NANOGNB: variants seen among roughly 807,000 people sequenced by gnomAD.
NANOGNB encodes the protein homeobox C14.
NANOGNB carries 30 observed loss-of-function variants against 25.0 expected under a neutral mutation model. That is an observed-to-expected ratio of 1.20 (90% CI 0.90 to 1.63). The LOEUF (loss-of-function observed/expected upper bound fraction) is 1.63, where lower values mean the gene tolerates loss of function less well. NANOGNB is among the 40% of genes most tolerant of loss of function. The pLI is 0.00. For synonymous variants in NANOGNB, 84 were observed against 62.1 expected (o/e 1.35, Z -1.66); for missense variants, 200 against 188.1 (o/e 1.06, Z -0.37).
intron 3 of NANOGNB, among the ~76,000 whole-genome samples, chr12:7,773,544 T>TCCAAA (rs1565472370): frequency 1.6e-4 from 1 of 6,262 alleles, no homozygotes; most frequent in African/African-American, 4.9e-4. Context: ...CTACTAAAAA[T>TCCAAA]ACAAAAAAAA....
chr12:7,767,188 G>A (rs1865253470), intron 1 of NANOGNB, among the ~76,000 whole-genome samples: 1 of 152,102 alleles, frequency 6.6e-6, no homozygotes, highest in Non-Finnish European at 1.5e-5. Flanking sequence ...GTCTGACTCT[G>A]AAGAGGAATG....
intron 1 of NANOGNB, among the ~76,000 whole-genome samples, chr12:7,765,597 CAGTTGT>C (rs1865239199): frequency 7.2e-6 from 1 of 139,192 alleles, no homozygotes. Context: ...AAAGAAGTGG[CAGTTGT>C]CTGGATATAT....
At chr12:7,773,653 A>T in intron 3 of NANOGNB, 147 bp from the exon 4 acceptor site, 2 of 229,190 alleles carry the variant, frequency 8.7e-6, no homozygotes, top group Non-Finnish European at 1.6e-5. Context: ...TTGACCTGGG[A>T]GATGGAGGTT....
At chr12:7,773,546 CAAAAAAAAAA>C (rs869038102) in intron 3 of NANOGNB, among the ~76,000 whole-genome samples, 4 of 15,442 alleles carry the variant, frequency 2.6e-4, no homozygotes, top group African/African-American at 3.7e-4. Context: ...ACTAAAAATA[CAAAAAAAAAA>C]AAAAAAAAAA....
intron 3 of NANOGNB, among the ~76,000 whole-genome samples, chr12:7,770,933 C>T (rs191639690): frequency 5.6e-4 from 85 of 152,160 alleles, no homozygotes; most frequent in Middle Eastern, 6.8e-3. Context: ...TTTAATGTTC[C>T]AGCCAGTGGC....
intron 3 of NANOGNB, 56 bp downstream of exon 3, chr12:7,770,574 G>A (rs1042149637): frequency 3.0e-5 from 34 of 1,150,692 alleles, no homozygotes; most frequent in Admixed American, 5.2e-5. Context: ...ATTGACTTCC[G>A]GAGTTGGTTT....
Position 7,770,261 on chromosome 12 carries a change from C to T in NANOGNB, c.381C>T (p.Pro127=), listed in dbSNP as rs1377951213. 4 of 1,548,440 alleles carry T rather than the reference C, an allele frequency of 2.6e-6. No individual in the cohort carries two copies. Among genetic ancestry groups the T allele is most frequent in the Non-Finnish European group, 3.5e-6 (4 of 1,146,222 alleles). The change falls in exon 2 of 4, where the codon CCC becomes CCT. Residue 127 remains proline, a synonymous_variant. Transcript: ENST00000382119. ...CAAAGTTTAAGTTAAACAGGTGCCCCACTATACAAGAGAGTCTATCACTGT... is the reference window on the plus strand; with the variant it reads ...CAAAGTTTAAGTTAAACAGGTGCCCTACTATACAAGAGAGTCTATCACTGT... The part of the protein sequence containing the change: ...LWAKFKLNRC[P]TIQESLSLSF...
At chr12:7,772,764 A>G (rs962002953) in intron 3 of NANOGNB, among the ~76,000 whole-genome samples, 1 of 151,702 alleles carries the variant, frequency 6.6e-6, no homozygotes, top group African/African-American at 2.4e-5. Flanking sequence ...TTGTATTTTT[A>G]GTATACATTA....
chr12:7,767,641 T>C (rs1865256916), intron 1 of NANOGNB, among the ~76,000 whole-genome samples: 3 of 152,198 alleles, frequency 2.0e-5, no homozygotes, highest in African/African-American at 7.2e-5. Flanking sequence ...TGATAATCAC[T>C]AATTTACTTT....
rs1208211508 is a variant in NANOGNB at position 7,765,260 on chromosome 12, G to A, written c.-26G>A. 8 of 1,288,248 alleles carry A rather than the reference G, an allele frequency of 6.2e-6. No homozygotes were observed. The highest frequency in any genetic ancestry group is 2.1e-4 in the Middle Eastern group (1 of 4,714). 79.8% of individuals were successfully genotyped at this position (1,288,248 alleles called of 1,614,324 possible). A position where few individuals can be genotyped will look rare whatever the true frequency, so the allele number is the denominator to read the frequency against. ...TCATCTCTGTAACCTCCCTACCAAG[G>A]ACTAATTGGTCTTTAAAACTCCTCA... is the stretch of plus-strand genomic sequence containing the variant. On this transcript the variant is annotated 5_prime_UTR_variant, in exon 1 of 4. Coordinates refer to ENST00000382119, the MANE Select transcript of NANOGNB (RefSeq NM_001145465.1).
At chr12:7,770,873 A>T (rs1257557131) in intron 3 of NANOGNB, among the ~76,000 whole-genome samples, 1 of 152,142 alleles carries the variant, frequency 6.6e-6, no homozygotes, top group African/African-American at 2.4e-5. Flanking sequence ...GGGCCTTCCA[A>T]AGTGCTGGGA....
At position 7,770,287 on chromosome 12, in the gene NANOGNB, C is replaced by A; in HGVS notation, c.407C>A (p.Ser136Ter). Residue 136 changes from serine to a stop codon, truncating the protein, a stop_gained, in exon 2 of 4, where the codon TCA becomes TAA. Coordinates refer to ENST00000382119, the MANE Select transcript of NANOGNB (RefSeq NM_001145465.1). LOFTEE classifies it high-confidence loss of function. ...ACTATACAAGAGAGTCTATCACTGT[C>A]ATTTGAATTTGACATGACACATAAA... The part of the protein sequence containing the change: ...CPTIQESLSL[S>*]FEFDMTHKQI... 6.5e-7 allele frequency: 1 copy of A among 1,531,386 alleles called. No individual in the cohort carries two copies. Among genetic ancestry groups the A allele is most frequent in the South Asian group, 1.3e-5 (1 of 79,444 alleles). 94.9% of individuals were successfully genotyped at this position (1,531,386 alleles called of 1,614,324 possible).
At position 7,770,531 on chromosome 12, in the gene NANOGNB, T is replaced by C; in HGVS notation, c.515+13T>C. The C allele has an allele frequency of 7.0e-7, 1 of 1,422,380 alleles. No individual in the cohort carries two copies. Among genetic ancestry groups the C allele is most frequent in the Non-Finnish European group, 9.6e-7 (1 of 1,042,490 alleles). The allele number at this position is 1,422,380 out of a possible 1,614,324, so 88.1% of individuals were successfully genotyped here. On this transcript the variant is annotated intron_variant, in intron 3 of 3. Transcript: ENST00000382119. ...AAAAACATATGAGGTAAGAAAGTGT[T>C]TCTTGTAAAATAAAAGGAAGTAGAA...
intron 2 of NANOGNB, 54 bp downstream of exon 2, chr12:7,770,369 G>A: frequency 6.6e-7 from 1 of 1,523,458 alleles, no homozygotes. Flanking sequence ...CACTTGTATA[G>A]TACTATTGCT....
intron 3 of NANOGNB, among the ~76,000 whole-genome samples, chr12:7,773,414 G>A (rs1360930352): frequency 6.6e-6 from 1 of 151,568 alleles, no homozygotes; most frequent in Non-Finnish European, 1.5e-5. Flanking sequence ...TAAATATATA[G>A]ACAGCGGCTG....
intron 3 of NANOGNB, among the ~76,000 whole-genome samples, chr12:7,770,903 C>T (rs1293944508): frequency 1.3e-5 from 2 of 152,186 alleles, no homozygotes; most frequent in African/African-American, 2.4e-5. Flanking sequence ...TGAACCACCA[C>T]ACCCGGTGCC....
At chr12:7,769,229 G>A (rs1393080186) in intron 1 of NANOGNB, among the ~76,000 whole-genome samples, 1 of 151,892 alleles carries the variant, frequency 6.6e-6, no homozygotes, top group African/African-American at 2.4e-5. Context: ...GTGCGATATC[G>A]GCTTACTGCA....
At chr12:7,765,522 A>ATC (rs1865237823) in intron 1 of NANOGNB, 135 bp downstream of exon 1, 1 of 192,824 alleles carries the variant, frequency 5.2e-6, no homozygotes, top group East Asian at 1.8e-4. Context: ...GTGAGCCGAG[A>ATC]TCGCGCCACT....
intron 3 of NANOGNB, among the ~76,000 whole-genome samples, chr12:7,772,021 A>T (rs1263907561): frequency 1.3e-5 from 2 of 152,160 alleles, no homozygotes; most frequent in Admixed American, 6.6e-5. Context: ...GACTCCCACC[A>T]CATGGAGGAT....
Sources: gnomAD v4.1 joint callset for allele counts (sites outside exome capture counted in the v4.1 genomes callset) on GRCh38, gnomAD v4.1.1 for gene constraint, MANE v1.5 for transcripts, NCBI Gene and HGNC (gene_info 2026-07-23, HGNC 2026-07-21) for gene names.